IQGAP2: variants seen among roughly 807,000 people sequenced by gnomAD.
IQGAP2 encodes IQ motif containing GTPase activating protein 2, also known as ras GTPase-activating-like protein IQGAP2.
A neutral mutation model predicts 201.3 loss-of-function variants in IQGAP2; 173 were observed. The ratio of observed to expected loss-of-function variants is 0.86; its 90% CI spans 0.76 to 0.98. IQGAP2 has a LOEUF of 0.98. IQGAP2 is among the 50% of genes least tolerant of loss of function. The pLI is 0.00. For missense variants in IQGAP2, 1,687 were observed against 1,864.8 expected, an observed-to-expected ratio of 0.90 and a Z score of 1.76; for synonymous variants, 675 against 673.9, an observed-to-expected ratio of 1.00 and a Z score of -0.03.
At chr5:76,662,669 A>T (rs1743365532) in intron 21 of IQGAP2, among the ~76,000 whole-genome samples, 1 of 152,248 alleles carries the variant, frequency 6.6e-6, no homozygotes, top group Non-Finnish European at 1.5e-5. Context: ...ACTGTAAGCC[A>T]CATTTATTCT....
chr5:76,547,887 C>T (rs549937886), intron 2 of IQGAP2, among the ~76,000 whole-genome samples: 1 of 152,298 alleles, frequency 6.6e-6, no homozygotes, highest in South Asian at 2.1e-4. Context: ...TGCAGGGTGT[C>T]ACATCCCACA....
intron 33 of IQGAP2, chr5:76,699,642 TCTCTCTCTCTCTCTCTCTCA>T (rs1370783514): frequency 2.5e-5 from 3 of 120,484 alleles, no homozygotes; most frequent in Non-Finnish European, 5.2e-5. Context: ...TCTCTCTCTC[TCTCTCTCTCTCTCTCTCTCA>T]CTCTCGTGCT....
At chr5:76,559,615 T>C (rs574687344) in intron 2 of IQGAP2, among the ~76,000 whole-genome samples, 1 of 152,356 alleles carries the variant, frequency 6.6e-6, no homozygotes, top group East Asian at 1.9e-4. Flanking sequence ...CTTTAGTTTC[T>C]GTTCTCCCCA....
chr5:76,633,313 C>T (rs1750858472), intron 15 of IQGAP2, among the ~76,000 whole-genome samples: 1 of 152,130 alleles, frequency 6.6e-6, no homozygotes, highest in Non-Finnish European at 1.5e-5. Context: ...GAAGTCTTGC[C>T]ATCTTAACAA....
chr5:76,508,313 C>G (rs977026978), intron 2 of IQGAP2, among the ~76,000 whole-genome samples: 9 of 151,632 alleles, frequency 5.9e-5, no homozygotes, highest in Admixed American at 5.9e-4. Context: ...AGCCAGACTC[C>G]CATCTAAAAA....
chr5:76,419,673 C>CTTTTTTTTTTTTTTTTT (rs57338854), intron 1 of IQGAP2, among the ~76,000 whole-genome samples: 1 of 141,812 alleles, frequency 7.1e-6, no homozygotes, highest in African/African-American at 2.6e-5. Context: ...CTTTTCTTTT[C>CTTTTTTTTTTTTTTTTT]TTTTTTTTTT....
At chr5:76,550,799 C>T (rs1363647731) in intron 2 of IQGAP2, among the ~76,000 whole-genome samples, 1 of 152,248 alleles carries the variant, frequency 6.6e-6, no homozygotes, top group Non-Finnish European at 1.5e-5. Flanking sequence ...CTTTTCCCCA[C>T]ATTTCCCCCT....
At chr5:76,707,163 C>A in intron 35 of IQGAP2, 37 bp from the exon 36 acceptor site, 2 of 948,672 alleles carry the variant, frequency 2.1e-6, no homozygotes, top group South Asian at 2.7e-5. Flanking sequence ...CACAAAATGT[C>A]AAAGTTGAGA....
chr5:76,501,103 A>G (rs1757249211), intron 2 of IQGAP2, among the ~76,000 whole-genome samples: 1 of 150,964 alleles, frequency 6.6e-6, no homozygotes, highest in Non-Finnish European at 1.5e-5. Flanking sequence ...TTGCTTAATG[A>G]TAAAGTAGGA....
intron 1 of IQGAP2, among the ~76,000 whole-genome samples, chr5:76,446,718 A>G (rs2150110233): frequency 6.6e-6 from 1 of 152,296 alleles, no homozygotes; most frequent in Middle Eastern, 3.4e-3. Context: ...TATGTACTGC[A>G]GTGTGTAAAA....
chr5:76,600,060 A>G (rs1747321764), intron 10 of IQGAP2, among the ~76,000 whole-genome samples: 1 of 152,150 alleles, frequency 6.6e-6, no homozygotes, highest in Non-Finnish European at 1.5e-5. Context: ...AGGCAGAAGA[A>G]TCGCTTGAAC....
intron 1 of IQGAP2, among the ~76,000 whole-genome samples, chr5:76,431,246 A>G (rs1223421585): frequency 6.6e-6 from 1 of 151,910 alleles, no homozygotes; most frequent in East Asian, 1.9e-4. Flanking sequence ...GTTTTCCTAT[A>G]TTGCTCTTAT....
intron 2 of IQGAP2, among the ~76,000 whole-genome samples, chr5:76,492,763 GAC>G (rs1376746746): frequency 6.6e-6 from 1 of 152,166 alleles, no homozygotes; most frequent in Non-Finnish European, 1.5e-5. Context: ...CCTGACCCAA[GAC>G]ACAGTCCGCT....
rs72777512 is a variant in IQGAP2 at position 76,566,754 on chromosome 5, C to G, written c.304-3826C>G. Among the ~76,000 whole-genome samples the G allele has an allele frequency of 2.0e-5, 3 of 152,068 alleles. No individual in the cohort carries two copies. The East Asian group carries it at 5.8e-4, about 30-fold the overall frequency. ...AGTGAACTGCTTCAAGAGGGAAAAC[C>G]AAGGGTGGATCCTGAAAAGGAAATA... is the stretch of plus-strand genomic sequence containing the variant. On this transcript the variant is annotated intron_variant, in intron 3 of 35. Coordinates refer to ENST00000274364, the MANE Select transcript of IQGAP2 (RefSeq NM_006633.5).
intron 5 of IQGAP2, among the ~76,000 whole-genome samples, chr5:76,581,939 C>T (rs1373426054): frequency 1.3e-5 from 2 of 152,154 alleles, no homozygotes; most frequent in African/African-American, 4.8e-5. Flanking sequence ...TGTTTGTATA[C>T]AAAGGACACA....
At chr5:76,475,210 G>T (rs76067002) in intron 2 of IQGAP2, among the ~76,000 whole-genome samples, 7,750 of 152,242 alleles carry the variant, frequency 0.051, 229 homozygotes, top group South Asian at 0.15. Context: ...AGGTGAGGAG[G>T]GTGGAGGCAT....
intron 1 of IQGAP2, among the ~76,000 whole-genome samples, chr5:76,418,817 G>A (rs1055188630): frequency 6.6e-6 from 1 of 152,152 alleles, no homozygotes; most frequent in Admixed American, 6.6e-5. Context: ...AGGAAAAGTA[G>A]GGGGGTGAGT....
intron 9 of IQGAP2, among the ~76,000 whole-genome samples, chr5:76,593,269 T>G (rs372999620): frequency 7.9e-4 from 120 of 152,314 alleles, no homozygotes; most frequent in Middle Eastern, 3.4e-3. Context: ...TTGCCCATGA[T>G]TATGCGATGA....
rs1221358674 is a variant in IQGAP2, at chr5:76,589,682, A to T, written c.594A>T (p.Lys198Asn). ...KYGIQMPSFS[K>N]IGGILANELS... is the part of the protein sequence containing the mutation. ...GAATACAGATGCCATCTTTCAGCAA[A>T]ATAGGTGGTATTCTGGCCAATGAAC... is the stretch of plus-strand genomic sequence containing the variant. The change falls in exon 7 of 36, where the codon AAA becomes AAT. Residue 198 changes from lysine to asparagine, a missense_variant. Coordinates refer to ENST00000274364, the MANE Select transcript of IQGAP2 (RefSeq NM_006633.5). 1.9e-6 allele frequency: 3 copies of T among 1,609,340 alleles called. No homozygotes were observed. Among genetic ancestry groups the T allele is most frequent in the Non-Finnish European group, 2.5e-6 (3 of 1,177,826 alleles).
Sources: gnomAD v4.1 joint callset for allele counts (sites outside exome capture counted in the v4.1 genomes callset) on GRCh38, gnomAD v4.1.1 for gene constraint, MANE v1.5 for transcripts, NCBI Gene and HGNC (gene_info 2026-07-23, HGNC 2026-07-21) for gene names.